The following CRYBG1 variants were observed in gnomAD, a reference collection of about 807,000 sequenced individuals.
CRYBG1 encodes beta/gamma crystallin domain-containing protein 1.
In CRYBG1, 139 loss-of-function variants were observed where a neutral mutation model predicts 189.2. That is an observed-to-expected ratio of 0.73 (90% confidence interval 0.64 to 0.85). CRYBG1 has a LOEUF of 0.85. CRYBG1 is among the 40% of genes least tolerant of loss of function. The pLI, the probability that CRYBG1 is intolerant of heterozygous loss-of-function variation, is 0.00. For missense variants in CRYBG1, 2,611 were observed against 2,675.8 expected, an observed-to-expected ratio of 0.98 and a Z score of 0.53; for synonymous variants, 1,023 against 1,017.1, an observed-to-expected ratio of 1.01 and a Z score of -0.11.
chr6:106,540,045 C>T (rs1353837248), intron 9 of CRYBG1, among the ~76,000 whole-genome samples: 2 of 152,020 alleles, frequency 1.3e-5, no homozygotes, highest in African/African-American at 2.4e-5. Context: ...AGGACCGGCT[C>T]GGCTGCCGTG....
intron 2 of CRYBG1, among the ~76,000 whole-genome samples, chr6:106,501,299 C>G (rs1773005457): frequency 6.6e-6 from 1 of 152,134 alleles, no homozygotes; most frequent in Admixed American, 6.5e-5. Flanking sequence ...TGCATATCCT[C>G]CATACCTTAT....
At chr6:106,553,405 T>G in intron 15 of CRYBG1, 50 bp from the exon 16 acceptor site, 1 of 1,269,052 alleles carries the variant, frequency 7.9e-7, no homozygotes, top group South Asian at 1.2e-5. Flanking sequence ...CTAAATTAGT[T>G]AATGTGTTTA....
intron 1 of CRYBG1, among the ~76,000 whole-genome samples, chr6:106,409,674 A>G (rs190568240): frequency 1.6e-4 from 25 of 152,280 alleles, no homozygotes; most frequent in African/African-American, 5.5e-4. Context: ...ACCAAAACAG[A>G]TATATAGACC....
intron 1 of CRYBG1, among the ~76,000 whole-genome samples, chr6:106,366,874 A>G (rs2114291859): frequency 6.6e-6 from 1 of 152,324 alleles, no homozygotes; most frequent in South Asian, 2.1e-4. Flanking sequence ...TAATACATAC[A>G]TTGTTACTTT....
chr6:106,423,274 T>TTTTTTA (rs1771163226), intron 1 of CRYBG1, among the ~76,000 whole-genome samples: 1 of 125,054 alleles, frequency 8.0e-6, no homozygotes, highest in Admixed American at 8.6e-5. Flanking sequence ...TTTTTTTTTT[T>TTTTTTA]CGCTATCAAT....
intron 3 of CRYBG1, among the ~76,000 whole-genome samples, chr6:106,514,421 GGAGAACTCT>G (rs1339795363): frequency 1.4e-4 from 21 of 152,218 alleles, no homozygotes; most frequent in Admixed American, 1.0e-3. Flanking sequence ...GTTCTGATTG[GGAGAACTCT>G]GAGAACTCTG....
intron 2 of CRYBG1, among the ~76,000 whole-genome samples, chr6:106,452,288 T>G (rs1259118925): frequency 1.4e-5 from 2 of 148,048 alleles, no homozygotes; most frequent in East Asian, 2.0e-4. Context: ...CTGGGTGTGG[T>G]GACGGGCACC....
At chr6:106,471,080 C>T (rs1422190130) in intron 2 of CRYBG1, among the ~76,000 whole-genome samples, 1 of 152,166 alleles carries the variant, frequency 6.6e-6, no homozygotes, top group Admixed American at 6.5e-5. Flanking sequence ...TGAAAGGAGA[C>T]TGCTGTCTGT....
intron 1 of CRYBG1, among the ~76,000 whole-genome samples, chr6:106,412,181 A>C (rs544782765): frequency 6.6e-6 from 1 of 152,246 alleles, no homozygotes; most frequent in Non-Finnish European, 1.5e-5. Flanking sequence ...GCATTTGTGT[A>C]GGAAGCCCAG....
intron 1 of CRYBG1, among the ~76,000 whole-genome samples, chr6:106,426,269 C>T (rs1172296443): frequency 6.6e-6 from 1 of 152,128 alleles, no homozygotes; most frequent in African/African-American, 2.4e-5. Flanking sequence ...ACTCAAAGTT[C>T]CCTCCTTCCC....
intron 2 of CRYBG1, among the ~76,000 whole-genome samples, chr6:106,493,643 G>A (rs1005310272): frequency 6.6e-6 from 1 of 152,160 alleles, no homozygotes; most frequent in Non-Finnish European, 1.5e-5. Context: ...TAAAAGGAAC[G>A]AGATCATGTC....
intron 1 of CRYBG1, among the ~76,000 whole-genome samples, chr6:106,401,424 A>T: frequency 8.9e-5 from 11 of 123,158 alleles, no homozygotes; most frequent in African/African-American, 2.3e-4. Context: ...TTTTTATTAT[A>T]CTCTAAGTTT....
chr6:106,558,576 TC>T lies in CRYBG1; in HGVS notation c.5809del (p.Leu1937TrpfsTer49), dbSNP rs777409222. 3.8e-5 allele frequency: 62 copies of T among 1,613,702 alleles called. No individual in the cohort carries two copies. Among genetic ancestry groups the T allele is most frequent in the Admixed American group, 5.0e-5 (3 of 59,938 alleles). On this transcript the variant is annotated frameshift_variant, in exon 18 of 22. Coordinates refer to ENST00000633556, the MANE Select transcript of CRYBG1 (RefSeq NM_001371242.2). LOFTEE classifies it high-confidence loss of function. ...TAATGCAGAAACTGTCAATCTCCGA[TC>T]CCTGGGATTCAACACACAAATACGC... ...ELNAETVNLRSLGFNTQIRSV... is the reference protein window; with the variant it reads ...ELNAETVNLRXLGFNTQIRSV...
Position 106,414,062 on chromosome 6 carries a change from T to A in CRYBG1, c.174-37632T>A, listed in dbSNP as rs188745346. Among the ~76,000 whole-genome samples, 509 of 152,346 alleles carry A rather than the reference T, an allele frequency of 3.3e-3. 7 individuals are homozygous for A. Among genetic ancestry groups the A allele is most frequent in the South Asian group, 0.016 (79 of 4,832 alleles). On this transcript the variant is annotated intron_variant, in intron 1 of 21. Transcript: ENST00000633556. ...ATCCGACTCAGTGAAATTACTGACA[T>A]CTCTCAGCACAGCAAGCTCCTGGTT...
At chr6:106,552,302 G>C in intron 15 of CRYBG1, 86 bp downstream of exon 15, 2 of 1,033,838 alleles carry the variant, frequency 1.9e-6, no homozygotes, top group Non-Finnish European at 2.8e-6. Context: ...TCAGACATTT[G>C]GGGCCGGGTG....
chr6:106,437,916 A>G (rs1028318204), intron 1 of CRYBG1, among the ~76,000 whole-genome samples: 5 of 152,236 alleles, frequency 3.3e-5, no homozygotes, highest in Admixed American at 1.3e-4. Context: ...TGGACGATAT[A>G]GAGATACACA....
At chr6:106,540,246 C>A (rs749470352) in intron 9 of CRYBG1, among the ~76,000 whole-genome samples, 5 of 152,164 alleles carry the variant, frequency 3.3e-5, no homozygotes, top group Non-Finnish European at 7.3e-5. Context: ...CAGTGTTGAG[C>A]GCAGTGTGTG....
chr6:106,532,101 A>G (rs1245816206), intron 8 of CRYBG1, among the ~76,000 whole-genome samples: 3 of 152,214 alleles, frequency 2.0e-5, no homozygotes, highest in Non-Finnish European at 4.4e-5. Context: ...TATACATTGC[A>G]TAATGATCAA....
At chr6:106,556,637 G>C (rs2615207) in intron 17 of CRYBG1, among the ~76,000 whole-genome samples, 130,113 of 152,186 alleles carry the variant, frequency 0.85, 55,886 homozygotes, top group Non-Finnish European at 0.89. Context: ...AGATCATGTT[G>C]AGATATTAAA....
Sources: allele counts gnomAD v4.1 joint callset (sites outside exome capture counted in the v4.1 genomes callset), GRCh38; gene constraint gnomAD v4.1.1; transcripts MANE v1.5; gene names NCBI Gene and HGNC (gene_info 2026-07-23, HGNC 2026-07-21).